SLC39A11: variants seen among roughly 807,000 people sequenced by gnomAD.
The protein encoded by SLC39A11 is solute carrier family 39 member 11.
SLC39A11 carries 33 observed loss-of-function variants against 36.1 expected under a neutral mutation model. The ratio of observed to expected loss-of-function variants is 0.91; its 90% CI spans 0.69 to 1.22. SLC39A11 has a LOEUF of 1.22. SLC39A11 is among the 50% of genes most tolerant of loss of function. The pLI, the probability that SLC39A11 is intolerant of heterozygous loss-of-function variation, is 0.00. For synonymous variants in SLC39A11, 166 were observed against 170.3 expected, an observed-to-expected ratio of 0.97 and a Z score of 0.20; for missense variants, 432 against 430.3, an observed-to-expected ratio of 1.00 and a Z score of -0.03.
intron 5 of SLC39A11, among the ~76,000 whole-genome samples, chr17:72,899,737 G>A (rs985244880): frequency 3.9e-5 from 6 of 152,150 alleles, no homozygotes; most frequent in African/African-American, 1.2e-4. Flanking sequence ...CAAGGTGGAC[G>A]GATCACTTGA....
chr17:73,064,747 T>C (rs911672184), intron 3 of SLC39A11, among the ~76,000 whole-genome samples: 1 of 152,032 alleles, frequency 6.6e-6, no homozygotes, highest in Non-Finnish European at 1.5e-5. Flanking sequence ...CCAAGAAAAC[T>C]CCTTGATCCA....
chr17:72,783,004 CAAAAA>C (rs34750819), intron 6 of SLC39A11, among the ~76,000 whole-genome samples: 21 of 80,994 alleles, frequency 2.6e-4, no homozygotes, highest in East Asian at 4.4e-4. Flanking sequence ...TCTGTCTCAA[CAAAAA>C]AAAAAAAAAA....
At position 72,778,931 on chromosome 17, in the gene SLC39A11, T is replaced by C. The variant is rs758110953; in HGVS notation, c.602-42212A>G. The stretch of plus-strand genomic sequence containing the variant: ...TTTTATGGATCCAGTCCATGTGCTA[T>C]AGGGCATTGAGTTTTCTGGTTTCTC... On this transcript the variant is annotated intron_variant, in intron 6 of 9. Transcript: ENST00000255559. Among the ~76,000 whole-genome samples, 68 of 152,202 alleles carry C rather than the reference T, an allele frequency of 4.5e-4. 1 individual carries two copies. Among genetic ancestry groups the C allele is most frequent in the Non-Finnish European group, 9.0e-4 (61 of 68,034 alleles).
intron 5 of SLC39A11, among the ~76,000 whole-genome samples, chr17:72,869,282 A>G (rs1169368701): frequency 6.6e-6 from 1 of 152,278 alleles, no homozygotes; most frequent in African/African-American, 2.4e-5. Context: ...CATCTGGGAC[A>G]GAGTCAGCTT....
intron 7 of SLC39A11, among the ~76,000 whole-genome samples, chr17:72,700,045 C>G (rs1287378423): frequency 7.2e-6 from 1 of 139,356 alleles, no homozygotes; most frequent in East Asian, 2.0e-4. Flanking sequence ...TCTGCAAGAA[C>G]AGAAGCTCTT....
chr17:73,045,226 G>A (rs1028119896), intron 3 of SLC39A11, among the ~76,000 whole-genome samples: 1 of 151,810 alleles, frequency 6.6e-6, no homozygotes, highest in South Asian at 2.1e-4. Context: ...CATACCCAAA[G>A]GGACCTCCCA....
chr17:73,027,283 G>A (rs2058588415), intron 4 of SLC39A11, among the ~76,000 whole-genome samples: 2 of 152,190 alleles, frequency 1.3e-5, no homozygotes, highest in South Asian at 4.1e-4. Context: ...AGGGGAGCAT[G>A]GGCTCCAGCT....
intron 6 of SLC39A11, among the ~76,000 whole-genome samples, chr17:72,743,752 GA>G (rs2074816563): frequency 6.6e-6 from 1 of 152,162 alleles, no homozygotes; most frequent in African/African-American, 2.4e-5. Flanking sequence ...TCACTGGGGG[GA>G]AAAGGAAAGG....
chr17:72,985,120 C>CTG lies in SLC39A11; in HGVS notation c.307-37246_307-37245insCA, dbSNP rs1276487607. Among the ~76,000 whole-genome samples the CTG allele has an allele frequency of 1.4e-4, 21 of 152,328 alleles. No homozygotes were observed. The East Asian group carries it at 1.7e-3, about 13-fold the overall frequency. Reference sequence around the variant, plus strand: ...ACACCTCCCTAGGAATGTGCACACTCCACGTGGCTGACGCCACTCCACAAG... The same window carrying CTG: ...ACACCTCCCTAGGAATGTGCACACTCTGCACGTGGCTGACGCCACTCCACAAG... On this transcript the variant is annotated intron_variant, in intron 4 of 9. Coordinates refer to ENST00000255559, the MANE Select transcript of SLC39A11 (RefSeq NM_139177.4).
intron 3 of SLC39A11, among the ~76,000 whole-genome samples, chr17:73,078,982 T>C (rs559742118): frequency 2.0e-5 from 3 of 152,188 alleles, no homozygotes; most frequent in Non-Finnish European, 4.4e-5. Context: ...AAACTCTTTT[T>C]CAAAAGCCAA....
At chr17:73,013,496 A>G (rs1348213454) in intron 4 of SLC39A11, among the ~76,000 whole-genome samples, 1 of 152,202 alleles carries the variant, frequency 6.6e-6, no homozygotes. Flanking sequence ...GTGTTGCAAA[A>G]GCAGCTGCAG....
At chr17:73,063,664 T>A (rs376775262) in intron 3 of SLC39A11, among the ~76,000 whole-genome samples, 4 of 152,188 alleles carry the variant, frequency 2.6e-5, no homozygotes, top group African/African-American at 9.6e-5. Flanking sequence ...GCCACAAGAT[T>A]ATTGCAAGGG....
intron 3 of SLC39A11, among the ~76,000 whole-genome samples, chr17:73,034,703 G>A (rs1312581008): frequency 1.3e-5 from 2 of 152,076 alleles, no homozygotes; most frequent in African/African-American, 2.4e-5. Flanking sequence ...CTTGAGAGAC[G>A]TCCCCAACCT....
intron 5 of SLC39A11, among the ~76,000 whole-genome samples, chr17:72,920,786 C>A (rs1014864837): frequency 2.0e-5 from 3 of 150,404 alleles, no homozygotes; most frequent in Non-Finnish European, 4.4e-5. Flanking sequence ...ACACCTACAC[C>A]CCATACACAC....
Position 72,658,127 on chromosome 17 carries a change from G to A in SLC39A11, c.672-8859C>T, listed in dbSNP as rs893699165. The stretch of plus-strand genomic sequence containing the variant: ...CCCCAGAGGTGACCTGTAAGGAAGT[G>A]GGGAAGGCGCTGGGCCTGAGCACAA... On this transcript the variant is annotated intron_variant, in intron 7 of 9. Coordinates refer to ENST00000255559, the MANE Select transcript of SLC39A11 (RefSeq NM_139177.4). Among the ~76,000 whole-genome samples the A allele has an allele frequency of 2.0e-5, 3 of 152,342 alleles. No homozygotes were observed. The South Asian group carries it at 6.2e-4, about 32-fold the overall frequency.
chr17:72,768,923 G>T (rs73352937), intron 6 of SLC39A11, among the ~76,000 whole-genome samples: 2,625 of 152,036 alleles, frequency 0.017, 75 homozygotes, highest in African/African-American at 0.059. Context: ...ACCACGCTCG[G>T]CTAATTTTCT....
intron 7 of SLC39A11, among the ~76,000 whole-genome samples, chr17:72,678,483 G>C (rs2071370262): frequency 6.6e-6 from 1 of 152,124 alleles, no homozygotes; most frequent in Admixed American, 6.5e-5. Flanking sequence ...GAGGCGGGCA[G>C]ATCACAAGGT....
At position 72,956,981 on chromosome 17, in the gene SLC39A11, C is replaced by G. The variant is rs147894913; in HGVS notation, c.307-9106G>C. ...CATCTGAGGTCAGCTGGTGGCTCAT[C>G]GAGGGGCTGGATGGTCTAAGATGGC... On this transcript the variant is annotated intron_variant, in intron 4 of 9. Coordinates refer to ENST00000255559, the MANE Select transcript of SLC39A11 (RefSeq NM_139177.4). 1.9e-3 allele frequency among the ~76,000 whole-genome samples: 283 copies of G among 152,156 alleles called. 4 individuals carry two copies. Among genetic ancestry groups the G allele is most frequent in the African/African-American group, 6.5e-3 (270 of 41,498 alleles).
At chr17:72,997,300 C>T (rs1464250741) in intron 4 of SLC39A11, among the ~76,000 whole-genome samples, 1 of 152,224 alleles carries the variant, frequency 6.6e-6, no homozygotes, top group Non-Finnish European at 1.5e-5. Flanking sequence ...GTCGCCCAGG[C>T]TGGAATGCAG....
Sources: gnomAD v4.1 joint callset for allele counts (sites outside exome capture counted in the v4.1 genomes callset) on GRCh38, gnomAD v4.1.1 for gene constraint, MANE v1.5 for transcripts, NCBI Gene and HGNC (gene_info 2026-07-23, HGNC 2026-07-21) for gene names.